Variants in MCPH1 observed in about 807,000 individuals in gnomAD.
The protein encoded by MCPH1 is microcephalin 1.
MCPH1 carries 104 observed loss-of-function variants against 84.5 expected under a neutral mutation model. The observed-to-expected ratio is 1.23, with a 90% CI of 1.05 to 1.45. The LOEUF (loss-of-function observed/expected upper bound fraction) is 1.45. Among genes scored for constraint, MCPH1 ranks in the 40% most tolerant of loss-of-function variants. The pLI is 0.00. For synonymous variants in MCPH1, 514 were observed against 366.8 expected (o/e 1.40, Z -4.58); for missense variants, 1,498 against 1,005.7 (o/e 1.49, Z -6.62).
At chr8:6,603,317 A>G (rs1829513357) in intron 12 of MCPH1, among the ~76,000 whole-genome samples, 1 of 152,110 alleles carries the variant, frequency 6.6e-6, no homozygotes, top group African/African-American at 2.4e-5. Context: ...TGGAATGGCA[A>G]TGGAATGCAT....
At chr8:6,562,195 C>G (rs887547475) in intron 12 of MCPH1, among the ~76,000 whole-genome samples, 1 of 152,134 alleles carries the variant, frequency 6.6e-6, no homozygotes, top group Non-Finnish European at 1.5e-5. Context: ...TCCGTTATGC[C>G]TCGGTCATCA....
chr8:6,410,970 G>T (rs948270688), intron 2 of MCPH1, among the ~76,000 whole-genome samples: 1 of 152,106 alleles, frequency 6.6e-6, no homozygotes, highest in Non-Finnish European at 1.5e-5. Context: ...CACACCTGTA[G>T]TCTCAGTGAT....
At chr8:6,410,914 A>T (rs1343617351) in intron 2 of MCPH1, among the ~76,000 whole-genome samples, 2 of 151,862 alleles carry the variant, frequency 1.3e-5, no homozygotes, top group Non-Finnish European at 2.9e-5. Context: ...ACATAGTGAA[A>T]CCCCATCTCT....
intron 3 of MCPH1, 111 bp downstream of exon 3, chr8:6,414,994 C>T: frequency 1.6e-5 from 17 of 1,090,770 alleles, no homozygotes; most frequent in Non-Finnish European, 2.0e-5. Flanking sequence ...CATCTTTTCT[C>T]TGCCTCTTAC....
intron 12 of MCPH1, among the ~76,000 whole-genome samples, chr8:6,511,724 C>T (rs1332548984): frequency 1.3e-5 from 2 of 152,040 alleles, no homozygotes; most frequent in African/African-American, 2.4e-5. Flanking sequence ...AGCTTTAAAC[C>T]AATGTGTGTG....
At chr8:6,600,021 C>T (rs935144589) in intron 12 of MCPH1, among the ~76,000 whole-genome samples, 3 of 152,158 alleles carry the variant, frequency 2.0e-5, no homozygotes, top group South Asian at 2.1e-4. Context: ...TGCTAGGAAG[C>T]GGTCAATAAA....
chr8:6,447,311 C>G (rs1804547686), intron 8 of MCPH1: 2 of 985,180 alleles, frequency 2.0e-6, no homozygotes, highest in South Asian at 4.7e-5. Context: ...GATGCACACT[C>G]TATATCTGGT....
Position 6,626,474 on chromosome 8 carries a change from G to GTTTTTT in MCPH1, c.2452+4795_2452+4800dup, listed in dbSNP as rs71213328. On this transcript the variant is annotated intron_variant, in intron 13 of 13. Coordinates refer to ENST00000344683, the MANE Select transcript of MCPH1 (RefSeq NM_024596.5). ...GGTTGTTGTTTGGTTTTTTTGTTTT[G>GTTTTTT]TTTTTTTTTTTTTTTTTGCGTTTTG... 2.8e-5 allele frequency: 26 copies of GTTTTTT among 925,210 alleles called. No homozygotes were observed. The East Asian group carries it at 4.0e-4, about 14-fold the overall frequency. 57.3% of individuals were successfully genotyped at this position (925,210 alleles called of 1,614,324 possible).
At chr8:6,529,775 T>C (rs1819102855) in intron 12 of MCPH1, among the ~76,000 whole-genome samples, 1 of 151,888 alleles carries the variant, frequency 6.6e-6, no homozygotes. Flanking sequence ...GGCTCAGCCA[T>C]TTTCATGTGT....
intron 11 of MCPH1, among the ~76,000 whole-genome samples, chr8:6,495,813 G>C (rs1243226141): frequency 6.6e-6 from 1 of 152,146 alleles, no homozygotes; most frequent in Non-Finnish European, 1.5e-5. Flanking sequence ...ATCCAGTAAA[G>C]CGGAATGTAA....
At chr8:6,555,100 C>G (rs1476410181) in intron 12 of MCPH1, among the ~76,000 whole-genome samples, 2 of 152,130 alleles carry the variant, frequency 1.3e-5, no homozygotes, top group South Asian at 2.1e-4. Flanking sequence ...TTCTAAACCA[C>G]TACCCATGAT....
intron 12 of MCPH1, among the ~76,000 whole-genome samples, chr8:6,503,499 G>T (rs1251974502): frequency 6.6e-6 from 1 of 152,104 alleles, no homozygotes; most frequent in Non-Finnish European, 1.5e-5. Context: ...CTTTTCCCTT[G>T]TGCTGTGTGG....
intron 12 of MCPH1, among the ~76,000 whole-genome samples, chr8:6,597,467 G>A (rs1829017123): frequency 6.6e-6 from 1 of 152,156 alleles, no homozygotes; most frequent in Admixed American, 6.5e-5. Context: ...CTTGTGCCAA[G>A]TGCCATTGGA....
At chr8:6,567,303 C>T (rs989489230) in intron 12 of MCPH1, among the ~76,000 whole-genome samples, 75 of 41,094 alleles carry the variant, frequency 1.8e-3, no homozygotes, top group South Asian at 6.2e-3. Flanking sequence ...GTACACGGTG[C>T]GATGACCATG....
intron 12 of MCPH1, among the ~76,000 whole-genome samples, chr8:6,533,470 A>G (rs1819911666): frequency 6.6e-6 from 1 of 151,034 alleles, no homozygotes; most frequent in Non-Finnish European, 1.5e-5. Context: ...TATGTAAAAT[A>G]GGGTTTCTGG....
At chr8:6,410,363 A>T (rs1798364580) in intron 2 of MCPH1, among the ~76,000 whole-genome samples, 1 of 152,220 alleles carries the variant, frequency 6.6e-6, no homozygotes, top group Non-Finnish European at 1.5e-5. Context: ...CAAGAAAAAT[A>T]GGATGGGCAA....
intron 12 of MCPH1, among the ~76,000 whole-genome samples, chr8:6,572,316 C>G (rs188920490): frequency 1.6e-4 from 25 of 152,154 alleles, no homozygotes; most frequent in Non-Finnish European, 8.8e-5. Context: ...ATTTATAGAT[C>G]AAAAATCTTG....
chr8:6,534,331 C>T (rs897581922), intron 12 of MCPH1, among the ~76,000 whole-genome samples: 23 of 151,974 alleles, frequency 1.5e-4, no homozygotes, highest in Non-Finnish European at 1.0e-4. Flanking sequence ...TTAGAGTATA[C>T]GAGAGGATGT....
chr8:6,588,170 G>C (rs543833387), intron 12 of MCPH1, among the ~76,000 whole-genome samples: 2 of 152,126 alleles, frequency 1.3e-5, no homozygotes, highest in African/African-American at 2.4e-5. Flanking sequence ...ACTGGGGCCA[G>C]ATGGGACCAC....
Sources: allele counts gnomAD v4.1 joint callset (sites outside exome capture counted in the v4.1 genomes callset), GRCh38; gene constraint gnomAD v4.1.1; transcripts MANE v1.5; gene names NCBI Gene and HGNC (gene_info 2026-07-23, HGNC 2026-07-21).